Variants in BMPER observed in about 807,000 individuals in gnomAD.
BMPER encodes BMP binding endothelial regulator.
BMPER carries 45 observed loss-of-function variants against 87.3 expected under a neutral mutation model. That is an observed-to-expected ratio of 0.52 (90% CI 0.41 to 0.66). The LOEUF is 0.66. BMPER is among the 30% of genes least tolerant of loss of function. The pLI is 0.00. For synonymous variants in BMPER, 326 were observed against 316.2 expected, an observed-to-expected ratio of 1.03 and a Z score of -0.33; for missense variants, 784 against 867.5, an observed-to-expected ratio of 0.90 and a Z score of 1.21.
chr7:33,952,908 T>C (rs1785061669), intron 3 of BMPER, among the ~76,000 whole-genome samples: 1 of 152,228 alleles, frequency 6.6e-6, no homozygotes, highest in Admixed American at 6.5e-5. Context: ...AGGTGAACAA[T>C]GTACATTGGT....
chr7:33,956,226 G>C (rs1204879298), intron 3 of BMPER, among the ~76,000 whole-genome samples: 1 of 152,026 alleles, frequency 6.6e-6, no homozygotes, highest in African/African-American at 2.4e-5. Context: ...ATGAAAAATT[G>C]ATAAATTTAC....
chr7:33,958,248 A>G (rs1785192534), intron 3 of BMPER, among the ~76,000 whole-genome samples: 1 of 152,164 alleles, frequency 6.6e-6, no homozygotes, highest in African/African-American at 2.4e-5. Context: ...ACTTCTAAAT[A>G]TGGGAGTGCC....
Position 34,082,530 on chromosome 7 carries a change from A to C in BMPER, c.1409-3226A>C, listed in dbSNP as rs1354269451. ...AAAATCTTCTTAATGTAATAATGGC[A>C]AGGAGAAAGAGGAAGACAGGAGAGT... On this transcript the variant is annotated intron_variant, in intron 12 of 14. Transcript: ENST00000649409. Among the ~76,000 whole-genome samples, 6 of 152,206 alleles carry C rather than the reference A, an allele frequency of 3.9e-5. No homozygotes were observed. The East Asian group carries it at 1.2e-3, about 29-fold the overall frequency.
chr7:34,020,474 G>T (rs965792483), intron 6 of BMPER, among the ~76,000 whole-genome samples: 1 of 151,880 alleles, frequency 6.6e-6, no homozygotes, highest in African/African-American at 2.4e-5. Context: ...AAATTCTAGT[G>T]GTAAGAATTC....
At position 34,032,009 on chromosome 7, in the gene BMPER, G is replaced by GTGTA. The variant is rs1554307632; in HGVS notation, c.577-14296_577-14295insGTAT. ...TATAAATATATATGTGTGTGTGTGTGTATATATATATATATAAAATAGTTA... is the reference window on the plus strand; with the variant it reads ...TATAAATATATATGTGTGTGTGTGTGTGTATATATATATATATATAAAATAGTTA... On this transcript the variant is annotated intron_variant, in intron 6 of 14. Transcript: ENST00000649409. Among the ~76,000 whole-genome samples, 739 of 137,488 alleles carry GTGTA rather than the reference G, an allele frequency of 5.4e-3. 3 individuals carry two copies. Among genetic ancestry groups the GTGTA allele is most frequent in the African/African-American group, 0.018 (692 of 37,442 alleles). The allele number at this position is 137,488 out of a possible 152,430, so 90.2% of individuals were successfully genotyped here.
At chr7:34,114,768 G>A (rs1790066505) in intron 13 of BMPER, among the ~76,000 whole-genome samples, 1 of 152,200 alleles carries the variant, frequency 6.6e-6, no homozygotes, top group Non-Finnish European at 1.5e-5. Flanking sequence ...AATCAGGAGA[G>A]GGCAGTGCAA....
At chr7:34,119,075 G>T (rs1790196538) in intron 13 of BMPER, among the ~76,000 whole-genome samples, 1 of 133,534 alleles carries the variant, frequency 7.5e-6, no homozygotes, top group Admixed American at 7.8e-5. Flanking sequence ...GCACGCTATT[G>T]GTTCTGCTTC....
intron 13 of BMPER, among the ~76,000 whole-genome samples, chr7:34,107,436 T>G (rs1789847622): frequency 6.6e-6 from 1 of 152,208 alleles, no homozygotes; most frequent in African/African-American, 2.4e-5. Flanking sequence ...TTCTCTCAGA[T>G]TTTTTAATTT....
At chr7:33,956,005 T>A (rs1408531054) in intron 3 of BMPER, among the ~76,000 whole-genome samples, 7 of 151,894 alleles carry the variant, frequency 4.6e-5, no homozygotes, top group African/African-American at 1.7e-4. Flanking sequence ...CAGTGAGCTG[T>A]TCATAGACAG....
At chr7:34,075,355 C>T (rs1197375830) in intron 11 of BMPER, among the ~76,000 whole-genome samples, 1 of 152,054 alleles carries the variant, frequency 6.6e-6, no homozygotes, top group Non-Finnish European at 1.5e-5. Context: ...TGCAAATACA[C>T]ATAAACAAGA....
intron 6 of BMPER, among the ~76,000 whole-genome samples, chr7:34,022,841 C>T (rs1787232789): frequency 6.6e-6 from 1 of 151,974 alleles, no homozygotes; most frequent in East Asian, 1.9e-4. Flanking sequence ...GCCTCATGCT[C>T]TCCAGGGTGA....
intron 13 of BMPER, among the ~76,000 whole-genome samples, chr7:34,087,227 T>G (rs771675958): frequency 6.6e-6 from 1 of 152,202 alleles, no homozygotes; most frequent in Non-Finnish European, 1.5e-5. Context: ...GCCATTTTCC[T>G]GTTATAACTT....
intron 5 of BMPER, among the ~76,000 whole-genome samples, chr7:33,973,877 C>T (rs977404344): frequency 6.6e-6 from 1 of 152,042 alleles, no homozygotes; most frequent in Admixed American, 6.5e-5. Context: ...CTGGTTTGTG[C>T]ATCGTGCCAT....
chr7:34,021,012 A>C (rs565756568), intron 6 of BMPER, among the ~76,000 whole-genome samples: 98 of 152,108 alleles, frequency 6.4e-4, no homozygotes, highest in African/African-American at 2.2e-3. Context: ...TGCTTTATAA[A>C]TACTCACAAC....
chr7:33,937,334 C>T lies in BMPER; in HGVS notation c.265C>T (p.Arg89Ter), dbSNP rs201318062. 1.1e-5 allele frequency: 18 copies of T among 1,614,168 alleles called. No homozygotes were observed. The highest frequency in any genetic ancestry group is 2.2e-5 in the East Asian group (1 of 44,868). Residue 89 changes from arginine (R) to a stop codon, truncating the protein, a stop_gained, in exon 3 of 15, where the codon CGA becomes TGA. Transcript: ENST00000649409. LOFTEE classifies it high-confidence loss of function. Reference sequence around the variant, plus strand: ...GAGAGAGAAGTGCCCCGTGCTGTCCCGAGACTGTGCCCTGGCCATCAAGCA... The same window carrying T: ...GAGAGAGAAGTGCCCCGTGCTGTCCTGAGACTGTGCCCTGGCCATCAAGCA... Reference protein sequence around the residue: ...CKREKCPVLSRDCALAIKQRG... With the variant: ...CKREKCPVLS
At chr7:34,119,014 T>TCACACACACACACACACACA (rs138792693) in intron 13 of BMPER, among the ~76,000 whole-genome samples, 2,122 of 135,734 alleles carry the variant, frequency 0.016, 25 homozygotes, top group African/African-American at 0.033. Flanking sequence ...TCTCTCTCTC[T>TCACACACACACACACACACA]CACACACACA....
At chr7:33,975,199 A>T (rs1006432491) in intron 6 of BMPER, among the ~76,000 whole-genome samples, 1 of 152,126 alleles carries the variant, frequency 6.6e-6, no homozygotes, top group Non-Finnish European at 1.5e-5. Flanking sequence ...GGGGGAAAGC[A>T]TGGATTTTCT....
chr7:33,986,781 C>T (rs1786022554), intron 6 of BMPER, among the ~76,000 whole-genome samples: 2 of 152,236 alleles, frequency 1.3e-5, no homozygotes, highest in Non-Finnish European at 2.9e-5. Context: ...TTTTAGTCAA[C>T]AAAATAGGAT....
chr7:34,095,634 A>G (rs1789509146), intron 13 of BMPER, among the ~76,000 whole-genome samples: 1 of 152,252 alleles, frequency 6.6e-6, no homozygotes, highest in Non-Finnish European at 1.5e-5. Context: ...GAAAAGTGAA[A>G]GAACTTGAGG....
Sources: allele counts gnomAD v4.1 joint callset (sites outside exome capture counted in the v4.1 genomes callset), GRCh38; gene constraint gnomAD v4.1.1; transcripts MANE v1.5; gene names NCBI Gene and HGNC (gene_info 2026-07-23, HGNC 2026-07-21).